The following ERC2 variants were observed in gnomAD, a reference collection of about 807,000 sequenced individuals.
ERC2 encodes the protein ERC protein 2.
Under a neutral mutation model 114.8 loss-of-function variants are expected in ERC2, and 42 were observed. The ratio of observed to expected loss-of-function variants is 0.37; its 90% CI spans 0.29 to 0.47. The LOEUF (loss-of-function observed/expected upper bound fraction) is 0.47, where lower values mean the gene tolerates loss of function less well. ERC2 is among the 20% of genes least tolerant of loss of function. ERC2 has a pLI of 0.99. For missense variants in ERC2, 939 were observed against 1,150.7 expected (o/e 0.82, Z 2.66); for synonymous variants, 454 against 425.5 (o/e 1.07, Z -0.82).
intron 2 of ERC2, among the ~76,000 whole-genome samples, chr3:56,391,874 C>T (rs2060141471): frequency 1.3e-5 from 2 of 152,090 alleles, no homozygotes; most frequent in Admixed American, 6.6e-5. Flanking sequence ...TTAAAAATAA[C>T]CTTCTCTGTC....
At chr3:56,346,828 T>A (rs955557684) in intron 2 of ERC2, among the ~76,000 whole-genome samples, 1 of 152,182 alleles carries the variant, frequency 6.6e-6, no homozygotes, top group African/African-American at 2.4e-5. Context: ...AGAAAGGGCA[T>A]TCTTGCTGCA....
intron 7 of ERC2, among the ~76,000 whole-genome samples, chr3:56,079,143 A>C (rs944603179): frequency 2.0e-5 from 3 of 152,166 alleles, no homozygotes; most frequent in Admixed American, 2.0e-4. Flanking sequence ...TCTAGTAATT[A>C]CATTAAAAAA....
chr3:55,704,123 C>A (rs1176514673), intron 15 of ERC2, among the ~76,000 whole-genome samples: 1 of 152,170 alleles, frequency 6.6e-6, no homozygotes, highest in African/African-American at 2.4e-5. Flanking sequence ...ATCTGATGAG[C>A]ACCATCTGTG....
intron 2 of ERC2, among the ~76,000 whole-genome samples, chr3:56,408,877 G>C (rs1576813476): frequency 6.6e-6 from 1 of 152,222 alleles, no homozygotes; most frequent in East Asian, 1.9e-4. Flanking sequence ...AGGCCCTAAG[G>C]CACAGCTCTG....
intron 6 of ERC2, among the ~76,000 whole-genome samples, chr3:56,136,674 T>C (rs2080527036): frequency 6.6e-6 from 1 of 152,114 alleles, no homozygotes; most frequent in Admixed American, 6.6e-5. Flanking sequence ...CACTTTAAAG[T>C]ATTCTACACT....
At chr3:55,688,083 A>G (rs970640599) in intron 16 of ERC2, among the ~76,000 whole-genome samples, 1 of 152,200 alleles carries the variant, frequency 6.6e-6, no homozygotes, top group Non-Finnish European at 1.5e-5. Flanking sequence ...AAACTCTTAC[A>G]TGACTTGTAT....
At chr3:56,249,428 C>T (rs886827602) in intron 3 of ERC2, among the ~76,000 whole-genome samples, 4 of 151,942 alleles carry the variant, frequency 2.6e-5, no homozygotes, top group Admixed American at 6.5e-5. Flanking sequence ...CGGGTTCACG[C>T]CATTCTCCTG....
intron 17 of ERC2, among the ~76,000 whole-genome samples, chr3:55,666,703 C>T (rs560830356): frequency 3.9e-5 from 6 of 152,128 alleles, no homozygotes; most frequent in African/African-American, 1.4e-4. Flanking sequence ...TGCTAAGTAT[C>T]CTACAACAGA....
At chr3:55,714,850 A>T (rs946373623) in intron 15 of ERC2, among the ~76,000 whole-genome samples, 4 of 27,332 alleles carry the variant, frequency 1.5e-4, no homozygotes, top group Admixed American at 1.0e-3. Flanking sequence ...ATAAAACAAT[A>T]AAAAAAAAAA....
At chr3:55,716,667 G>A (rs1208908618) in intron 15 of ERC2, among the ~76,000 whole-genome samples, 45 of 152,120 alleles carry the variant, frequency 3.0e-4, no homozygotes, top group Non-Finnish European at 5.9e-5. Flanking sequence ...GACCCTCTCT[G>A]TGCTCAATAA....
chr3:55,865,875 T>C (rs904180627), intron 14 of ERC2, among the ~76,000 whole-genome samples: 5 of 152,162 alleles, frequency 3.3e-5, no homozygotes, highest in African/African-American at 1.2e-4. Context: ...ATTTGACTTG[T>C]TTTCACTTTT....
intron 2 of ERC2, among the ~76,000 whole-genome samples, chr3:56,310,744 A>T (rs1374625566): frequency 6.6e-6 from 1 of 152,186 alleles, no homozygotes; most frequent in East Asian, 1.9e-4. Context: ...GACCAAAAGC[A>T]TCAGCATCAC....
chr3:56,404,060 T>C (rs2106991406), intron 2 of ERC2, among the ~76,000 whole-genome samples: 1 of 152,360 alleles, frequency 6.6e-6, no homozygotes, highest in African/African-American at 2.4e-5. Context: ...TGGAACTTCA[T>C]GGTCACAAGT....
intron 12 of ERC2, among the ~76,000 whole-genome samples, chr3:55,950,949 T>C (rs1305579064): frequency 1.3e-5 from 2 of 152,174 alleles, no homozygotes; most frequent in African/African-American, 4.8e-5. Context: ...TGACTTTAGA[T>C]GCTGTGGCCA....
intron 3 of ERC2, among the ~76,000 whole-genome samples, chr3:56,217,323 A>G (rs1043101479): frequency 2.6e-5 from 4 of 152,228 alleles, no homozygotes; most frequent in Non-Finnish European, 4.4e-5. Flanking sequence ...TGCAAAAATC[A>G]CAAGCATTCT....
chr3:55,924,282 T>C (rs2065620579), intron 13 of ERC2, among the ~76,000 whole-genome samples: 1 of 152,130 alleles, frequency 6.6e-6, no homozygotes, highest in South Asian at 2.1e-4. Flanking sequence ...TCGGCCTTTG[T>C]GGTCCATATG....
chr3:55,871,830 A>T (rs963209899), intron 14 of ERC2, among the ~76,000 whole-genome samples: 6 of 152,164 alleles, frequency 3.9e-5, no homozygotes, highest in Non-Finnish European at 8.8e-5. Context: ...AAAAAATTAA[A>T]ATCTAAGCCT....
intron 2 of ERC2, among the ~76,000 whole-genome samples, chr3:56,371,406 C>A (rs1185272487): frequency 6.6e-6 from 1 of 152,224 alleles, no homozygotes; most frequent in Non-Finnish European, 1.5e-5. Context: ...CCTGAAGGCT[C>A]CCCTTTTTGG....
chr3:55,844,095 C>CA (rs2061251438), intron 14 of ERC2, among the ~76,000 whole-genome samples: 1 of 152,246 alleles, frequency 6.6e-6, no homozygotes, highest in Admixed American at 6.5e-5. Context: ...TCCAGAAATA[C>CA]AAAAATGCAT....
Sources: allele counts gnomAD v4.1 joint callset (sites outside exome capture counted in the v4.1 genomes callset), GRCh38; gene constraint gnomAD v4.1.1; transcripts MANE v1.5; gene names NCBI Gene and HGNC (gene_info 2026-07-23, HGNC 2026-07-21).